Variants in BNC2 observed in about 807,000 individuals in gnomAD.
BNC2 encodes the protein zinc finger protein basonuclin-2.
A neutral mutation model predicts 76.3 loss-of-function variants in BNC2; 20 were observed. The observed-to-expected ratio is 0.26, with a 90% confidence interval of 0.18 to 0.38. The LOEUF is 0.38. Among genes scored for constraint, BNC2 ranks in the 10% least tolerant of loss-of-function variants. The pLI is 1.00. For missense variants in BNC2, 1,382 were observed against 1,399.8 expected (o/e 0.99, Z 0.20); for synonymous variants, 582 against 514.8 (o/e 1.13, Z -1.77).
chr9:16,484,148 C>T (rs761917380), intron 5 of BNC2, among the ~76,000 whole-genome samples: 2 of 152,164 alleles, frequency 1.3e-5, no homozygotes, highest in Non-Finnish European at 2.9e-5. Context: ...TGACTTTCTC[C>T]TGTTTACTTA....
chr9:16,551,394 T>G (rs1818658250), intron 5 of BNC2, among the ~76,000 whole-genome samples: 1 of 152,172 alleles, frequency 6.6e-6, no homozygotes, highest in Admixed American at 6.5e-5. Flanking sequence ...GATGCCAGGT[T>G]AAAACGAGAG....
At chr9:16,676,095 C>T (rs1010023210) in intron 3 of BNC2, among the ~76,000 whole-genome samples, 1 of 151,878 alleles carries the variant, frequency 6.6e-6, no homozygotes, top group Non-Finnish European at 1.5e-5. Flanking sequence ...CTTTTAATTT[C>T]GAAAACATGA....
At chr9:16,491,616 T>C (rs1822282318) in intron 5 of BNC2, among the ~76,000 whole-genome samples, 1 of 152,150 alleles carries the variant, frequency 6.6e-6, no homozygotes, top group African/African-American at 2.4e-5. Flanking sequence ...TGAATTTAGT[T>C]TGGGCCATAT....
chr9:16,627,221 G>C (rs1026344275), intron 3 of BNC2, among the ~76,000 whole-genome samples: 6 of 152,130 alleles, frequency 3.9e-5, no homozygotes, highest in South Asian at 2.1e-4. Context: ...AGAGTCTGAG[G>C]GTAGAGGCAT....
intron 1 of BNC2, among the ~76,000 whole-genome samples, chr9:16,803,046 A>G (rs1363753070): frequency 6.6e-6 from 1 of 152,180 alleles, no homozygotes; most frequent in Non-Finnish European, 1.5e-5. Context: ...TAATCTATCT[A>G]CAAGTGAACC....
intron 5 of BNC2, among the ~76,000 whole-genome samples, chr9:16,462,095 C>T (rs934487046): frequency 1.3e-5 from 2 of 152,174 alleles, no homozygotes; most frequent in African/African-American, 4.8e-5. Flanking sequence ...TGTCCATTGG[C>T]AAGTCTATGG....
intron 5 of BNC2, among the ~76,000 whole-genome samples, chr9:16,496,168 C>T (rs544258546): frequency 8.6e-5 from 13 of 152,024 alleles, no homozygotes; most frequent in Non-Finnish European, 1.6e-4. Flanking sequence ...CTCAGCCTCC[C>T]AAAGTGCTGG....
intron 1 of BNC2, among the ~76,000 whole-genome samples, chr9:16,826,201 C>A (rs187786628): frequency 4.8e-4 from 66 of 137,926 alleles, no homozygotes; most frequent in Middle Eastern, 3.7e-3. Flanking sequence ...CAACAGCCCC[C>A]CTTTCTCCTT....
chr9:16,673,814 G>C lies in BNC2; in HGVS notation c.330+53983C>G, dbSNP rs144125876. ...CAGTAGGGACAGCCATTTTTTTAATGTGTTGAACTCTGAGACGGGTTCATG... is the reference window on the plus strand; with the variant it reads ...CAGTAGGGACAGCCATTTTTTTAATCTGTTGAACTCTGAGACGGGTTCATG... On this transcript the variant is annotated intron_variant, in intron 3 of 6. Coordinates refer to ENST00000380672, the MANE Select transcript of BNC2 (RefSeq NM_017637.6). Among the ~76,000 whole-genome samples the C allele has an allele frequency of 5.0e-3, 754 of 152,228 alleles. 5 individuals carry two copies. Among genetic ancestry groups the C allele is most frequent in the Non-Finnish European group, 4.6e-3 (315 of 67,998 alleles).
chr9:16,807,724 T>C (rs576588204), intron 1 of BNC2, among the ~76,000 whole-genome samples: 4 of 150,618 alleles, frequency 2.7e-5, no homozygotes, highest in Non-Finnish European at 4.5e-5. Flanking sequence ...AACTAATTCA[T>C]TGATTAACAT....
chr9:16,474,858 A>G (rs1204379781), intron 5 of BNC2, among the ~76,000 whole-genome samples: 2 of 152,060 alleles, frequency 1.3e-5, no homozygotes, highest in Admixed American at 6.5e-5. Context: ...CATGATGAAC[A>G]CCACATGGTG....
At chr9:16,673,686 TC>T (rs1196900083) in intron 3 of BNC2, among the ~76,000 whole-genome samples, 1 of 152,196 alleles carries the variant, frequency 6.6e-6, no homozygotes, top group East Asian at 1.9e-4. Context: ...TAAACAATGA[TC>T]ATTTCATCAG....
At chr9:16,651,624 G>C (rs544396085) in intron 3 of BNC2, among the ~76,000 whole-genome samples, 72 of 152,212 alleles carry the variant, frequency 4.7e-4, no homozygotes, top group African/African-American at 1.6e-3. Context: ...AATACAGCTT[G>C]CGATGCTATA....
At chr9:16,450,072 A>T (rs979770029) in intron 5 of BNC2, among the ~76,000 whole-genome samples, 1 of 152,212 alleles carries the variant, frequency 6.6e-6, no homozygotes, top group African/African-American at 2.4e-5. Flanking sequence ...GAGAACAGAT[A>T]ATGTAATAAA....
At chr9:16,487,757 G>A (rs1822195364) in intron 5 of BNC2, among the ~76,000 whole-genome samples, 1 of 152,170 alleles carries the variant, frequency 6.6e-6, no homozygotes, top group African/African-American at 2.4e-5. Context: ...ATGAAGGTAA[G>A]CTATTCAGAA....
chr9:16,650,992 A>T (rs1314922396), intron 3 of BNC2, among the ~76,000 whole-genome samples: 1 of 152,154 alleles, frequency 6.6e-6, no homozygotes, highest in African/African-American at 2.4e-5. Context: ...AACCATTTCT[A>T]TATGCCTCGG....
chr9:16,701,078 G>T (rs1823497717), intron 3 of BNC2, among the ~76,000 whole-genome samples: 1 of 152,210 alleles, frequency 6.6e-6, no homozygotes, highest in Non-Finnish European at 1.5e-5. Flanking sequence ...ATTTTCTGGG[G>T]TGTGGAGGTA....
At chr9:16,768,177 G>T (rs1439355553) in intron 1 of BNC2, among the ~76,000 whole-genome samples, 2 of 151,916 alleles carry the variant, frequency 1.3e-5, no homozygotes, top group Non-Finnish European at 2.9e-5. Flanking sequence ...TGTTGGCTAG[G>T]CTGGTCTTAA....
chr9:16,797,852 CA>C (rs1272235907), intron 1 of BNC2, among the ~76,000 whole-genome samples: 1 of 152,138 alleles, frequency 6.6e-6, no homozygotes. Context: ...GGAAAGGAAG[CA>C]GGCCTATCCC....
Sources: allele counts gnomAD v4.1 joint callset (sites outside exome capture counted in the v4.1 genomes callset), GRCh38; gene constraint gnomAD v4.1.1; transcripts MANE v1.5; gene names NCBI Gene and HGNC (gene_info 2026-07-23, HGNC 2026-07-21).